The following EHBP1 variants were observed in gnomAD, a reference collection of about 807,000 sequenced individuals.
EHBP1 encodes the protein EH domain-binding protein 1.
In EHBP1, 55 loss-of-function variants were observed where a neutral mutation model predicts 144.0. The observed-to-expected ratio is 0.38, with a 90% confidence interval of 0.31 to 0.48. The LOEUF (loss-of-function observed/expected upper bound fraction) is 0.48. Among genes scored for constraint, EHBP1 ranks in the 20% least tolerant of loss-of-function variants. EHBP1 has a pLI of 0.98. For synonymous variants in EHBP1, 469 were observed against 472.7 expected (o/e 0.99, Z 0.10); for missense variants, 1,200 against 1,364.2 (o/e 0.88, Z 1.90).
chr2:62,687,513 A>G (rs1257671860), intron 1 of EHBP1, among the ~76,000 whole-genome samples: 5 of 152,214 alleles, frequency 3.3e-5, no homozygotes, highest in Admixed American at 3.3e-4. Flanking sequence ...CCATCTGTGT[A>G]GAAGTATAAA....
At chr2:63,002,408 C>G (rs895303784) in intron 19 of EHBP1, among the ~76,000 whole-genome samples, 1 of 151,966 alleles carries the variant, frequency 6.6e-6, no homozygotes, top group Non-Finnish European at 1.5e-5. Flanking sequence ...TGATCTTGAT[C>G]TTTTTCAATA....
chr2:63,033,338 T>C (rs1351740237), intron 19 of EHBP1, among the ~76,000 whole-genome samples: 3 of 152,212 alleles, frequency 2.0e-5, no homozygotes, highest in Non-Finnish European at 2.9e-5. Context: ...GTTCTGTCCT[T>C]TAAGGGCTAT....
At chr2:62,900,702 ATTTTC>A (rs1308575903) in intron 10 of EHBP1, among the ~76,000 whole-genome samples, 2 of 149,878 alleles carry the variant, frequency 1.3e-5, no homozygotes, top group South Asian at 2.1e-4. Context: ...ATATATATAT[ATTTTC>A]TTTCTCTGAA....
At chr2:62,885,499 A>AC (rs1310000457) in intron 10 of EHBP1, among the ~76,000 whole-genome samples, 3 of 152,308 alleles carry the variant, frequency 2.0e-5, no homozygotes, top group African/African-American at 7.2e-5. Flanking sequence ...ATGGCTGACC[A>AC]CCTTTTACTG....
intron 2 of EHBP1, among the ~76,000 whole-genome samples, chr2:62,729,404 AAATATAATAATAATAATAT>A (rs1324491170): frequency 8.6e-6 from 1 of 116,646 alleles, no homozygotes; most frequent in African/African-American, 3.3e-5. Context: ...TATATATAAT[AAATATAATAATAATAATAT>A]AATATAATAA....
chr2:62,737,592 T>C (rs935969870), intron 2 of EHBP1, among the ~76,000 whole-genome samples: 1 of 152,150 alleles, frequency 6.6e-6, no homozygotes, highest in Non-Finnish European at 1.5e-5. Context: ...GAGTTGTTGA[T>C]ATTTCAGCTT....
chr2:62,767,642 C>T (rs1328873359), intron 4 of EHBP1, among the ~76,000 whole-genome samples: 2 of 151,820 alleles, frequency 1.3e-5, no homozygotes, highest in African/African-American at 4.8e-5. Context: ...CAAGACCATC[C>T]TGGGCAACAT....
intron 19 of EHBP1, among the ~76,000 whole-genome samples, chr2:63,002,439 T>C (rs1159872022): frequency 6.6e-6 from 1 of 152,090 alleles, no homozygotes; most frequent in African/African-American, 2.4e-5. Context: ...ATCTCAGCTA[T>C]TTAAAAAAGT....
chr2:62,796,110 A>G (rs1397450163), intron 5 of EHBP1, among the ~76,000 whole-genome samples: 1 of 151,890 alleles, frequency 6.6e-6, no homozygotes, highest in South Asian at 2.1e-4. Context: ...TTCCAATTTA[A>G]AATGGTAATC....
At chr2:62,769,574 C>T (rs953150866) in intron 4 of EHBP1, among the ~76,000 whole-genome samples, 1 of 152,010 alleles carries the variant, frequency 6.6e-6, no homozygotes, top group African/African-American at 2.4e-5. Flanking sequence ...CATTAAAATG[C>T]CATACTGCCC....
intron 10 of EHBP1, among the ~76,000 whole-genome samples, chr2:62,877,064 G>T (rs2050945394): frequency 6.6e-6 from 1 of 152,184 alleles, no homozygotes; most frequent in Admixed American, 6.5e-5. Flanking sequence ...GCACAGAAGA[G>T]CAGGTTGGAT....
In EHBP1 at chr2:62,909,049, A is replaced by G. The variant is rs574122177; in HGVS notation, c.1186-33669A>G. Among the ~76,000 whole-genome samples, 11 of 152,372 alleles carry G rather than the reference A, an allele frequency of 7.2e-5. No individual in the cohort carries two copies. In the East Asian group the frequency reaches 1.9e-3, roughly 27 times the overall value. ...CTGTGGGCCTAGATCAGAGGAAATC[A>G]TGTGTGAATAAATTCCTTAAAAATA... On this transcript the variant is annotated intron_variant, in intron 10 of 22. Coordinates refer to ENST00000431489, the MANE Select transcript of EHBP1 (RefSeq NM_001142616.3).
intron 15 of EHBP1, among the ~76,000 whole-genome samples, chr2:62,983,595 C>T (rs931672766): frequency 6.6e-6 from 1 of 152,280 alleles, no homozygotes; most frequent in Admixed American, 6.5e-5. Context: ...AGCTGGAGTG[C>T]AATGGCGCTA....
chr2:62,934,354 A>G (rs2056220957), intron 10 of EHBP1, among the ~76,000 whole-genome samples: 1 of 152,202 alleles, frequency 6.6e-6, no homozygotes, highest in African/African-American at 2.4e-5. Flanking sequence ...CATTTACTGA[A>G]TATTTGAATT....
chr2:62,829,915 A>G (rs966655675), intron 6 of EHBP1, among the ~76,000 whole-genome samples: 3 of 150,926 alleles, frequency 2.0e-5, no homozygotes, highest in Non-Finnish European at 3.0e-5. Context: ...TACAACCACT[A>G]TGAAAAACAG....
intron 19 of EHBP1, among the ~76,000 whole-genome samples, chr2:63,010,906 C>T (rs1221728418): frequency 6.6e-6 from 1 of 151,490 alleles, no homozygotes; most frequent in Admixed American, 6.6e-5. Context: ...TCTAAGGTAA[C>T]CAAATTCTAG....
At chr2:62,952,968 C>T (rs2057467268) in intron 13 of EHBP1, among the ~76,000 whole-genome samples, 1 of 152,046 alleles carries the variant, frequency 6.6e-6, no homozygotes, top group Non-Finnish European at 1.5e-5. Flanking sequence ...CCTGTAATCC[C>T]AGCACTTTGG....
intron 2 of EHBP1, among the ~76,000 whole-genome samples, chr2:62,737,112 T>G (rs923631436): frequency 1.3e-5 from 2 of 152,074 alleles, no homozygotes; most frequent in Non-Finnish European, 1.5e-5. Flanking sequence ...TGGGCTGGAG[T>G]TGGATATTTT....
chr2:62,846,715 A>T (rs557083153), intron 7 of EHBP1, among the ~76,000 whole-genome samples: 59 of 152,338 alleles, frequency 3.9e-4, no homozygotes, highest in African/African-American at 1.3e-3. Flanking sequence ...AATGAAATTT[A>T]AAAAATTTCA....
Sources: gnomAD v4.1 joint callset for allele counts (sites outside exome capture counted in the v4.1 genomes callset) on GRCh38, gnomAD v4.1.1 for gene constraint, MANE v1.5 for transcripts, NCBI Gene and HGNC (gene_info 2026-07-23, HGNC 2026-07-21) for gene names.